TMPRSS15: variants seen among roughly 807,000 people sequenced by gnomAD.
TMPRSS15 encodes enteropeptidase.
TMPRSS15 carries 128 observed loss-of-function variants against 125.3 expected under a neutral mutation model. The ratio of observed to expected loss-of-function variants is 1.02; its 90% CI spans 0.89 to 1.18. The LOEUF (loss-of-function observed/expected upper bound fraction) is 1.18. Among genes scored for constraint, TMPRSS15 ranks in the 50% most tolerant of loss-of-function variants. TMPRSS15 has a pLI of 0.00. For synonymous variants in TMPRSS15, 446 were observed against 423.2 expected, an observed-to-expected ratio of 1.05 and a Z score of -0.66; for missense variants, 1,283 against 1,212.7, an observed-to-expected ratio of 1.06 and a Z score of -0.86.
chr21:18,439,977 T>TA (rs1231503376), intron 1 of TMPRSS15, among the ~76,000 whole-genome samples: 1 of 152,132 alleles, frequency 6.6e-6, no homozygotes, highest in African/African-American at 2.4e-5. Flanking sequence ...TTGTTGTGGA[T>TA]AAGTTTTATA....
chr21:18,462,713 A>G (rs964541165), intron 1 of TMPRSS15, among the ~76,000 whole-genome samples: 1 of 152,090 alleles, frequency 6.6e-6, no homozygotes, highest in African/African-American at 2.4e-5. Context: ...TTGCTTGCCT[A>G]AAGAGTTTGG....
intron 18 of TMPRSS15, among the ~76,000 whole-genome samples, chr21:18,311,261 T>C (rs1361025294): frequency 6.6e-6 from 1 of 152,140 alleles, no homozygotes; most frequent in African/African-American, 2.4e-5. Context: ...AAAAAGCTTC[T>C]ACACAGCAAA....
Position 18,269,444 on chromosome 21 carries a change from G to A in TMPRSS15, c.*525C>T, listed in dbSNP as rs182594422. 0.013 allele frequency: 1,928 copies of A among 153,502 alleles called. 12 individuals are homozygous for A. The highest frequency in any genetic ancestry group is 0.019 in the Non-Finnish European group (1,279 of 68,972). The allele number at this position is 153,502 out of a possible 1,614,324, so 9.5% of individuals were successfully genotyped here. A position where few individuals can be genotyped will look rare whatever the true frequency, so the allele number is the denominator to read the frequency against. On this transcript the variant is annotated 3_prime_UTR_variant, in exon 25 of 25. Transcript: ENST00000284885. Reference sequence around the variant, plus strand: ...ACAATAAATAGTTTCTATTGGTTGGGAAAATACTAAGGTTATGCATATGTT... The same window carrying A: ...ACAATAAATAGTTTCTATTGGTTGGAAAAATACTAAGGTTATGCATATGTT...
At chr21:18,279,448 C>T (rs1260300064) in intron 22 of TMPRSS15, among the ~76,000 whole-genome samples, 1 of 148,606 alleles carries the variant, frequency 6.7e-6, no homozygotes, top group East Asian at 2.0e-4. Flanking sequence ...GCCTCAGCTT[C>T]CCGAGTAGCT....
At chr21:18,358,685 T>G (rs1000205784) in intron 8 of TMPRSS15, among the ~76,000 whole-genome samples, 1 of 152,002 alleles carries the variant, frequency 6.6e-6, no homozygotes, top group Non-Finnish European at 1.5e-5. Context: ...CACTGTGAAC[T>G]TATGGTAATT....
chr21:18,410,260 G>C (rs9984755), intron 1 of TMPRSS15, among the ~76,000 whole-genome samples: 9,120 of 151,738 alleles, frequency 0.06, 461 homozygotes, highest in African/African-American at 0.13. Flanking sequence ...CTGTACAAAG[G>C]TTCCTTTGTA....
chr21:18,334,208 G>T (rs998704119), intron 13 of TMPRSS15, among the ~76,000 whole-genome samples: 1 of 152,062 alleles, frequency 6.6e-6, no homozygotes, highest in Non-Finnish European at 1.5e-5. Context: ...CTTAGATTTG[G>T]GTTTCATGAT....
chr21:18,332,678 A>G (rs2075356921), intron 13 of TMPRSS15, among the ~76,000 whole-genome samples: 1 of 152,224 alleles, frequency 6.6e-6, no homozygotes, highest in Admixed American at 6.5e-5. Context: ...TGTGGAAGAC[A>G]GTGTGGTAAT....
At chr21:18,350,205 A>T (rs181668269) in intron 10 of TMPRSS15, among the ~76,000 whole-genome samples, 13 of 152,236 alleles carry the variant, frequency 8.5e-5, no homozygotes, top group Admixed American at 3.3e-4. Context: ...TGATTTTTCC[A>T]TGGAGAATCA....
rs555833944 is a variant in TMPRSS15, at chr21:18,334,520, A to C, written c.1565-2347T>G. Among the ~76,000 whole-genome samples the C allele has an allele frequency of 7.2e-5, 11 of 152,240 alleles. No individual in the cohort carries two copies. The South Asian group carries it at 8.3e-4, about 11-fold the overall frequency. ...TCTTGGAGACAACTAGATATATATTAAGGATTTTTTGGATTGTTGTAAAAT... is the reference window on the plus strand; with the variant it reads ...TCTTGGAGACAACTAGATATATATTCAGGATTTTTTGGATTGTTGTAAAAT... On this transcript the variant is annotated intron_variant, in intron 13 of 24. Coordinates refer to ENST00000284885, the MANE Select transcript of TMPRSS15 (RefSeq NM_002772.3).
chr21:18,294,329 G>A lies in TMPRSS15; in HGVS notation c.2427C>T (p.Leu809=), dbSNP rs986609874. ...VVGLYYGGRL[L]CGASLVSSDW... ...CACTGCTGACGAGAGATGCGCCGCA[G>A]AGCAGTCGGCCGCCATAATACAGAC... Residue 809 remains leucine (L), a synonymous_variant, in exon 21 of 25, where the codon CTC becomes CTT. Transcript: ENST00000284885. 1 of 1,614,212 alleles carries A rather than the reference G, an allele frequency of 6.2e-7. No homozygotes were observed. The highest frequency in any genetic ancestry group is 8.5e-7 in the Non-Finnish European group (1 of 1,180,040).
chr21:18,293,478 G>A (rs547930170), intron 21 of TMPRSS15, among the ~76,000 whole-genome samples: 37 of 152,256 alleles, frequency 2.4e-4, no homozygotes, highest in Non-Finnish European at 4.1e-4. Flanking sequence ...AAGCTCATAC[G>A]TATTATATGA....
At chr21:18,277,467 C>T (rs1337245570) in intron 23 of TMPRSS15, among the ~76,000 whole-genome samples, 1 of 152,100 alleles carries the variant, frequency 6.6e-6, no homozygotes, top group African/African-American at 2.4e-5. Context: ...ATCATTTTTA[C>T]TGTTTAAATT....
At chr21:18,293,127 G>C (rs1462864964) in intron 21 of TMPRSS15, among the ~76,000 whole-genome samples, 1 of 152,124 alleles carries the variant, frequency 6.6e-6, no homozygotes. Context: ...CTGATATAAT[G>C]GGTATTTAGG....
chr21:18,415,585 C>G (rs529626198), intron 1 of TMPRSS15, among the ~76,000 whole-genome samples: 1 of 151,966 alleles, frequency 6.6e-6, no homozygotes, highest in Non-Finnish European at 1.5e-5. Flanking sequence ...CTAGTTTTCC[C>G]AGTTCTACTT....
intron 17 of TMPRSS15, among the ~76,000 whole-genome samples, 193 bp from the exon 18 acceptor site, chr21:18,313,270 CTCA>C (rs774761117): frequency 2.8e-4 from 42 of 152,034 alleles, no homozygotes; most frequent in South Asian, 2.1e-3. Context: ...TTCAAATTTT[CTCA>C]TCATGAAATA....
intron 1 of TMPRSS15, among the ~76,000 whole-genome samples, chr21:18,410,918 T>C (rs2076164429): frequency 2.6e-5 from 4 of 152,140 alleles, no homozygotes; most frequent in Non-Finnish European, 2.9e-5. Flanking sequence ...ATAGATGTTA[T>C]AAAACCTCAC....
At chr21:18,425,765 A>T (rs2076201410) in intron 1 of TMPRSS15, among the ~76,000 whole-genome samples, 2 of 152,136 alleles carry the variant, frequency 1.3e-5, no homozygotes, top group African/African-American at 4.8e-5. Flanking sequence ...TGCTTAAAAA[A>T]ATCTCCCAAA....
At position 18,343,580 on chromosome 21, in the gene TMPRSS15, A is replaced by T. The variant is rs778779258; in HGVS notation, c.1354T>A (p.Phe452Ile). The change falls in exon 12 of 25, where the codon TTC (phenylalanine) becomes ATC (isoleucine). Residue 452 changes from phenylalanine to isoleucine, a missense_variant. Coordinates refer to ENST00000284885, the MANE Select transcript of TMPRSS15 (RefSeq NM_002772.3). ...SNDQNMEKTVFQKEGNYGDNW... is the reference protein window; with the variant it reads ...SNDQNMEKTVIQKEGNYGDNW... ...TCTCCATAATTTCCTTCCTTTTGGAAAACTGTCTTCTCCATATTTTGGTCA... is the reference window on the plus strand; with the variant it reads ...TCTCCATAATTTCCTTCCTTTTGGATAACTGTCTTCTCCATATTTTGGTCA... The T allele has an allele frequency of 4.3e-6, 7 of 1,613,214 alleles. No individual in the cohort carries two copies. The highest frequency in any genetic ancestry group is 5.9e-6 in the Non-Finnish European group (7 of 1,179,266).
Sources: gnomAD v4.1 joint callset for allele counts (sites outside exome capture counted in the v4.1 genomes callset) on GRCh38, gnomAD v4.1.1 for gene constraint, MANE v1.5 for transcripts, NCBI Gene and HGNC (gene_info 2026-07-23, HGNC 2026-07-21) for gene names.